PHEX: variants seen among roughly 807,000 people sequenced by gnomAD.
PHEX encodes the protein phosphate regulating endopeptidase X-linked.
PHEX carries 16 observed loss-of-function variants against 68.0 expected under a neutral mutation model. That is an observed-to-expected ratio of 0.24 (90% CI 0.16 to 0.36). The LOEUF (loss-of-function observed/expected upper bound fraction) is 0.36. PHEX is among the 10% of genes least tolerant of loss of function. PHEX has a pLI of 1.00. For missense variants in PHEX, 480 were observed against 575.5 expected (o/e 0.83, Z 1.70); for synonymous variants, 208 against 205.1 (o/e 1.01, Z -0.12).
intron 11 of PHEX, among the ~76,000 whole-genome samples, chrX:22,131,114 A>C (rs1205677812): frequency 1.5e-4 from 17 of 110,422 alleles, no homozygotes; most frequent in Non-Finnish European, 2.7e-4. Context: ...ATCTCAGCTC[A>C]CTGTGACCTC....
chrX:22,147,848 CT>C (rs1476365617), intron 12 of PHEX, among the ~76,000 whole-genome samples: 2 of 108,893 alleles, frequency 1.8e-5, no homozygotes, highest in African/African-American at 6.7e-5. Context: ...AACAAAATTC[CT>C]TTTTAAAAAA....
At chrX:22,237,365 T>C (rs747439027) in intron 20 of PHEX, among the ~76,000 whole-genome samples, 5 of 111,893 alleles carry the variant, frequency 4.5e-5, no homozygotes, top group South Asian at 3.8e-4. Flanking sequence ...TTTATCTTCA[T>C]CAAAAGCAAC....
chrX:22,233,849 C>T (rs1430375946), intron 20 of PHEX, among the ~76,000 whole-genome samples: 1 of 111,713 alleles, frequency 9.0e-6, no homozygotes. Flanking sequence ...CAGTTTTGTT[C>T]CCTTGCTGGC....
chrX:22,051,788 A>G, intron 3 of PHEX, among the ~76,000 whole-genome samples: 1 of 111,496 alleles, frequency 9.0e-6, no homozygotes, highest in East Asian at 2.8e-4. Flanking sequence ...GGCAGATAGT[A>G]TATGATAAAA....
chrX:22,077,612 T>C lies in PHEX; in HGVS notation c.573T>C (p.Leu191=). 8.3e-7 allele frequency: 1 copy of C among 1,211,081 alleles called. No homozygotes were observed. Among genetic ancestry groups the C allele is most frequent in the Non-Finnish European group, 1.1e-6 (1 of 895,011 alleles). Residue 191 remains leucine, a synonymous_variant, in exon 5 of 22, where the codon CTT becomes CTC. Transcript: ENST00000379374. ...SERKFSLLQT[L]ATFRGQYSNS... ...GAAAGTTCAGCCTTCTGCAGACACT[T>C]GCAACGTTTCGTGGTCAATACAGCA... is the stretch of plus-strand genomic sequence containing the variant.
At chrX:22,191,961 A>G (rs927354681) in intron 15 of PHEX, among the ~76,000 whole-genome samples, 11 of 112,385 alleles carry the variant, frequency 9.8e-5, no homozygotes, top group African/African-American at 3.6e-4. Context: ...ATATAAATAA[A>G]GTTGAAAATC....
At chrX:22,166,301 T>C (rs1169461718) in intron 12 of PHEX, among the ~76,000 whole-genome samples, 1 of 111,671 alleles carries the variant, frequency 9.0e-6, no homozygotes, top group African/African-American at 3.3e-5. Flanking sequence ...CTCTCTTAGC[T>C]GTAAAATAAA....
chrX:22,058,313 T>G (rs2146999376), intron 3 of PHEX, among the ~76,000 whole-genome samples: 1 of 112,556 alleles, frequency 8.9e-6, no homozygotes, highest in Non-Finnish European at 1.9e-5. Flanking sequence ...GTAGAAAGTC[T>G]TCTACACATG....
intron 20 of PHEX, among the ~76,000 whole-genome samples, chrX:22,235,035 T>TGCAC (rs1263212182): frequency 1.8e-5 from 2 of 110,548 alleles, no homozygotes; most frequent in Non-Finnish European, 3.8e-5. Flanking sequence ...TGGACTGGAG[T>TGCAC]GCACGGTTCC....
chrX:22,164,570 A>C (rs999480333), intron 12 of PHEX, among the ~76,000 whole-genome samples: 1 of 111,732 alleles, frequency 8.9e-6, no homozygotes, highest in Non-Finnish European at 1.9e-5. Context: ...AACAATGCAT[A>C]ATTCACCAGC....
chrX:22,185,583 T>TTCAG (rs1934002949), intron 14 of PHEX, among the ~76,000 whole-genome samples: 1 of 111,449 alleles, frequency 9.0e-6, no homozygotes, highest in Non-Finnish European at 1.9e-5. Flanking sequence ...TCTGGGAAGA[T>TTCAG]TCAGCCCATT....
intron 17 of PHEX, among the ~76,000 whole-genome samples, chrX:22,220,390 AAAATGTGGCTGACTTGTAGTTAT>A (rs1217991300): frequency 1.9e-4 from 21 of 111,500 alleles, no homozygotes; most frequent in African/African-American, 2.6e-4. Context: ...CTTCTCTGTT[AAAATGTGGCTGACTTGTAGTTAT>A]AAATGTGGCT....
At chrX:22,126,879 T>TG (rs1275452704) in intron 11 of PHEX, among the ~76,000 whole-genome samples, 5 of 91,956 alleles carry the variant, frequency 5.4e-5, no homozygotes, top group African/African-American at 2.1e-4. Context: ...TTTTTTTTTT[T>TG]TTTTTTTTTT....
At chrX:22,142,263 A>G (rs936264168) in intron 12 of PHEX, among the ~76,000 whole-genome samples, 1 of 112,196 alleles carries the variant, frequency 8.9e-6, no homozygotes, top group Non-Finnish European at 1.9e-5. Context: ...CACACACACA[A>G]AAAGAATATT....
intron 9 of PHEX, among the ~76,000 whole-genome samples, chrX:22,101,511 C>T (rs1930424967): frequency 8.9e-6 from 1 of 112,150 alleles, no homozygotes; most frequent in African/African-American, 3.2e-5. Context: ...ACCCTCTGCT[C>T]ATGGAACAGT....
At chrX:22,132,086 A>G (rs896091817) in intron 11 of PHEX, among the ~76,000 whole-genome samples, 1 of 110,919 alleles carries the variant, frequency 9.0e-6, no homozygotes, top group Non-Finnish European at 1.9e-5. Context: ...CCCCCTTTAG[A>G]CCTACCATTT....
intron 9 of PHEX, 104 bp downstream of exon 9, chrX:22,099,255 A>G: frequency 1.3e-6 from 1 of 789,530 alleles, no homozygotes; most frequent in Non-Finnish European, 1.9e-6. Flanking sequence ...AGAATGTTAC[A>G]TCAAAAGAGT....
At chrX:22,233,796 TCTGAAGCCTA>T (rs1198114011) in intron 20 of PHEX, among the ~76,000 whole-genome samples, 1 of 111,772 alleles carries the variant, frequency 8.9e-6, no homozygotes, top group Non-Finnish European at 1.9e-5. Context: ...TCACCCACCT[TCTGAAGCCTA>T]CTTCTGTCAA....
At chrX:22,059,674 T>G (rs1321308482) in intron 3 of PHEX, among the ~76,000 whole-genome samples, 3 of 111,920 alleles carry the variant, frequency 2.7e-5, no homozygotes, top group African/African-American at 9.7e-5. Flanking sequence ...AGAGCAAGAT[T>G]CAAGAAGGCA....
Sources: gnomAD v4.1 joint callset for allele counts (sites outside exome capture counted in the v4.1 genomes callset) on GRCh38, gnomAD v4.1.1 for gene constraint, MANE v1.5 for transcripts, NCBI Gene and HGNC (gene_info 2026-07-23, HGNC 2026-07-21) for gene names.